The following HHAT variants were observed in gnomAD, a reference collection of about 807,000 sequenced individuals.
HHAT encodes protein-cysteine N-palmitoyltransferase HHAT.
Under a neutral mutation model 70.8 loss-of-function variants are expected in HHAT, and 47 were observed. The observed-to-expected ratio is 0.66, with a 90% CI of 0.53 to 0.85. The LOEUF (loss-of-function observed/expected upper bound fraction) is 0.85, where lower values mean the gene tolerates loss of function less well. HHAT is among the 40% of genes least tolerant of loss of function. The pLI is 0.00. For missense variants in HHAT, 609 were observed against 604.8 expected, an observed-to-expected ratio of 1.01 and a Z score of -0.07; for synonymous variants, 228 against 247.6, an observed-to-expected ratio of 0.92 and a Z score of 0.74.
At chr1:210,530,951 TATC>T (rs1157584214) in intron 9 of HHAT, among the ~76,000 whole-genome samples, 2 of 152,354 alleles carry the variant, frequency 1.3e-5, no homozygotes, top group East Asian at 3.9e-4. Context: ...CAATTAGTCA[TATC>T]AATTAACAAC....
chr1:210,340,242 G>GAAAAAAA (rs57007952), intron 1 of HHAT, among the ~76,000 whole-genome samples: 10 of 99,780 alleles, frequency 1.0e-4, no homozygotes, highest in East Asian at 4.2e-4. Context: ...CTCTGTCTCA[G>GAAAAAAA]AAAAAAAAAA....
intron 7 of HHAT, among the ~76,000 whole-genome samples, chr1:210,431,080 T>C (rs1188457514): frequency 6.6e-6 from 1 of 151,950 alleles, no homozygotes; most frequent in Non-Finnish European, 1.5e-5. Context: ...GCTTTGTCCT[T>C]GGGAATTCTT....
intron 11 of HHAT, among the ~76,000 whole-genome samples, chr1:210,671,176 C>T (rs553655006): frequency 1.1e-4 from 17 of 152,266 alleles, no homozygotes; most frequent in African/African-American, 3.9e-4. Context: ...ATGAAACATC[C>T]CCATTGGCCC....
At chr1:210,379,579 C>T (rs1220394048) in intron 3 of HHAT, among the ~76,000 whole-genome samples, 1 of 152,200 alleles carries the variant, frequency 6.6e-6, no homozygotes, top group Non-Finnish European at 1.5e-5. Context: ...TTCTTTCCTT[C>T]TTTTGGACTG....
upstream of HHAT, among the ~76,000 whole-genome samples, chr1:210,327,629 C>T (rs978564023): frequency 3.5e-4 from 53 of 151,994 alleles, no homozygotes; most frequent in African/African-American, 1.2e-3. Context: ...CCTCAGCCTC[C>T]CAAGTGGCTG....
At chr1:210,597,624 G>C (rs1018979395) in intron 10 of HHAT, among the ~76,000 whole-genome samples, 1 of 152,096 alleles carries the variant, frequency 6.6e-6, no homozygotes, top group African/African-American at 2.4e-5. Flanking sequence ...CCCCAGGCTT[G>C]TGGCAAGTAC....
At chr1:210,565,565 A>C (rs1245101248) in intron 9 of HHAT, among the ~76,000 whole-genome samples, 1 of 152,220 alleles carries the variant, frequency 6.6e-6, no homozygotes, top group East Asian at 1.9e-4. Context: ...AGAGGAACAC[A>C]AACAAGGAAG....
At chr1:210,564,426 C>T (rs1388782692) in intron 9 of HHAT, among the ~76,000 whole-genome samples, 1 of 152,022 alleles carries the variant, frequency 6.6e-6, no homozygotes, top group African/African-American at 2.4e-5. Flanking sequence ...ACAGAGAGCT[C>T]CATTGGAGCC....
At chr1:210,427,092 A>G (rs1391673829) in intron 7 of HHAT, among the ~76,000 whole-genome samples, 3 of 152,104 alleles carry the variant, frequency 2.0e-5, no homozygotes, top group African/African-American at 7.2e-5. Flanking sequence ...CCTGGAAATG[A>G]TAACTTTCTT....
At chr1:210,539,701 C>T (rs574344363) in intron 9 of HHAT, among the ~76,000 whole-genome samples, 5 of 152,226 alleles carry the variant, frequency 3.3e-5, no homozygotes, top group African/African-American at 4.8e-5. Context: ...CCAGAAGCTA[C>T]GAGGAGGCAG....
chr1:210,351,553 A>G (rs1227900558), intron 2 of HHAT, among the ~76,000 whole-genome samples: 1 of 152,092 alleles, frequency 6.6e-6, no homozygotes, highest in Non-Finnish European at 1.5e-5. Context: ...TGAGATTTTG[A>G]CTTTAATATA....
intron 2 of HHAT, among the ~76,000 whole-genome samples, chr1:210,360,313 T>TTG (rs1553324218): frequency 8.6e-5 from 13 of 151,710 alleles, no homozygotes; most frequent in African/African-American, 3.1e-4. Flanking sequence ...TGTTTTTTTT[T>TTG]TTTTGTTTTG....
chr1:210,541,931 A>C (rs1261911996), intron 9 of HHAT, among the ~76,000 whole-genome samples: 1 of 151,988 alleles, frequency 6.6e-6, no homozygotes, highest in African/African-American at 2.4e-5. Flanking sequence ...ATGTTTCTGC[A>C]CTGGCCAGGG....
intron 9 of HHAT, among the ~76,000 whole-genome samples, chr1:210,556,002 A>G (rs375057232): frequency 4.3e-4 from 65 of 152,232 alleles, no homozygotes; most frequent in African/African-American, 1.6e-3. Flanking sequence ...TCTCTTTCAC[A>G]TGTCCTTCCC....
intron 8 of HHAT, among the ~76,000 whole-genome samples, chr1:210,471,916 C>A (rs2094212236): frequency 6.6e-6 from 1 of 152,138 alleles, no homozygotes; most frequent in African/African-American, 2.4e-5. Flanking sequence ...TATGACAGAT[C>A]TCTTGAATTT....
chr1:210,353,803 TTTTG>T (rs1225451564), intron 2 of HHAT, among the ~76,000 whole-genome samples: 1 of 152,146 alleles, frequency 6.6e-6, no homozygotes, highest in Non-Finnish European at 1.5e-5. Flanking sequence ...AGTTGTTTCT[TTTTG>T]TTTTCTAACT....
chr1:210,327,517 T>G (rs539990506), upstream of HHAT, among the ~76,000 whole-genome samples: 6 of 152,136 alleles, frequency 3.9e-5, no homozygotes, highest in Non-Finnish European at 7.4e-5. Context: ...TATTTACTTA[T>G]TTTTTTGAGA....
intron 8 of HHAT, among the ~76,000 whole-genome samples, chr1:210,501,836 A>C (rs1572876839): frequency 6.6e-6 from 1 of 152,208 alleles, no homozygotes; most frequent in Admixed American, 6.5e-5. Flanking sequence ...GCACATCAAG[A>C]ACACTGCCTT....
At chr1:210,539,863 A>G (rs2095411003) in intron 9 of HHAT, among the ~76,000 whole-genome samples, 1 of 152,180 alleles carries the variant, frequency 6.6e-6, no homozygotes, top group South Asian at 2.1e-4. Flanking sequence ...GAGAGTGTGT[A>G]TCTGTTCCTT....
Sources: allele counts gnomAD v4.1 joint callset (sites outside exome capture counted in the v4.1 genomes callset), GRCh38; gene constraint gnomAD v4.1.1; transcripts MANE v1.5; gene names NCBI Gene and HGNC (gene_info 2026-07-23, HGNC 2026-07-21).